Variants in DENND1B observed in about 807,000 individuals in gnomAD.
The protein encoded by DENND1B is DENN domain-containing protein 1B.
DENND1B carries 59 observed loss-of-function variants against 90.1 expected under a neutral mutation model. The observed-to-expected ratio is 0.65, with a 90% CI of 0.53 to 0.81. The LOEUF (loss-of-function observed/expected upper bound fraction) is 0.81, where lower values mean the gene tolerates loss of function less well. DENND1B is among the 40% of genes least tolerant of loss of function. The pLI is 0.00. For synonymous variants in DENND1B, 337 were observed against 324.6 expected (o/e 1.04, Z -0.41); for missense variants, 862 against 912.6 (o/e 0.94, Z 0.71).
chr1:197,641,168 A>G (rs531145469), intron 10 of DENND1B, among the ~76,000 whole-genome samples: 28 of 152,312 alleles, frequency 1.8e-4, no homozygotes, highest in African/African-American at 6.5e-4. Flanking sequence ...TGCCTAATAA[A>G]CATTTGTTAC....
intron 22 of DENND1B, 106 bp from the exon 23 acceptor site, chr1:197,511,078 AG>A: frequency 8.8e-7 from 1 of 1,131,694 alleles, no homozygotes; most frequent in Non-Finnish European, 1.2e-6. Flanking sequence ...TTCCTCCCAG[AG>A]AAAATACAGC....
chr1:197,666,895 C>T (rs867324420), intron 5 of DENND1B, among the ~76,000 whole-genome samples: 14 of 152,222 alleles, frequency 9.2e-5, no homozygotes, highest in Middle Eastern at 6.8e-3. Context: ...CAGTGGCTCA[C>T]GCCTGTAATC....
At chr1:197,740,064 T>A (rs1371210446) in intron 2 of DENND1B, among the ~76,000 whole-genome samples, 4 of 152,210 alleles carry the variant, frequency 2.6e-5, no homozygotes, top group Non-Finnish European at 4.4e-5. Flanking sequence ...GGCAGGCATA[T>A]AACCTAATTA....
At chr1:197,652,142 A>C in intron 7 of DENND1B, 93 bp downstream of exon 7, 1 of 957,614 alleles carries the variant, frequency 1.0e-6, no homozygotes, top group Non-Finnish European at 1.6e-6. Flanking sequence ...AGCAGAGATG[A>C]CTTGGTAAAG....
At chr1:197,687,503 T>C (rs927922506) in intron 3 of DENND1B, among the ~76,000 whole-genome samples, 1 of 152,180 alleles carries the variant, frequency 6.6e-6, no homozygotes, top group Non-Finnish European at 1.5e-5. Context: ...CCTTAATTAG[T>C]AGCATCACCA....
At chr1:197,565,566 GC>G in intron 15 of DENND1B, among the ~76,000 whole-genome samples, 1 of 150,868 alleles carries the variant, frequency 6.6e-6, no homozygotes, top group African/African-American at 2.4e-5. Context: ...GCATACAAGT[GC>G]CATGCTGGTG....
chr1:197,523,136 A>G (rs1159101481), intron 20 of DENND1B, among the ~76,000 whole-genome samples: 3 of 152,158 alleles, frequency 2.0e-5, no homozygotes, highest in Non-Finnish European at 2.9e-5. Context: ...GCACAGGGAC[A>G]GGCATGAAGT....
intron 15 of DENND1B, among the ~76,000 whole-genome samples, chr1:197,561,239 C>T (rs189328594): frequency 9.9e-4 from 150 of 151,986 alleles, no homozygotes; most frequent in African/African-American, 3.4e-3. Context: ...TTCTGTCTCA[C>T]CACGTCAGCA....
chr1:197,565,253 C>T (rs890992032), intron 15 of DENND1B, among the ~76,000 whole-genome samples: 5 of 151,930 alleles, frequency 3.3e-5, no homozygotes, highest in Admixed American at 2.0e-4. Flanking sequence ...CTGTAGCTAA[C>T]ATAAAAGGAA....
At chr1:197,650,802 C>T (rs2477071) in intron 7 of DENND1B, among the ~76,000 whole-genome samples, 29,567 of 151,974 alleles carry the variant, frequency 0.19, 2,970 homozygotes, top group Non-Finnish European at 0.2. Context: ...CACTGATATG[C>T]GGGAGCTAAG....
At chr1:197,728,495 C>G (rs1223267381) in intron 2 of DENND1B, among the ~76,000 whole-genome samples, 1 of 152,110 alleles carries the variant, frequency 6.6e-6, no homozygotes, top group Non-Finnish European at 1.5e-5. Flanking sequence ...TGAATCATAT[C>G]CCTCTCACTC....
intron 20 of DENND1B, among the ~76,000 whole-genome samples, chr1:197,535,738 G>A (rs1338731203): frequency 1.3e-5 from 2 of 152,132 alleles, no homozygotes; most frequent in Non-Finnish European, 2.9e-5. Flanking sequence ...CCCTTCCTGT[G>A]TCCTTGGTAA....
At chr1:197,716,639 A>G (rs1660673735) in intron 2 of DENND1B, among the ~76,000 whole-genome samples, 1 of 151,924 alleles carries the variant, frequency 6.6e-6, no homozygotes, top group African/African-American at 2.4e-5. Context: ...ATATTAAATG[A>G]AAGTTTTTAT....
intron 10 of DENND1B, among the ~76,000 whole-genome samples, chr1:197,630,640 C>A (rs1679243998): frequency 6.6e-6 from 1 of 152,110 alleles, no homozygotes; most frequent in Non-Finnish European, 1.5e-5. Flanking sequence ...CTAATCATCT[C>A]ACATTTAGTC....
chr1:197,754,057 T>C (rs1215402821), intron 2 of DENND1B, among the ~76,000 whole-genome samples: 1 of 151,586 alleles, frequency 6.6e-6, no homozygotes, highest in Non-Finnish European at 1.5e-5. Context: ...AAAATACATA[T>C]AGGACTTAAA....
chr1:197,649,800 T>C (rs1014822429), intron 7 of DENND1B, among the ~76,000 whole-genome samples: 23 of 152,274 alleles, frequency 1.5e-4, no homozygotes, highest in African/African-American at 4.6e-4. Context: ...CTTCTAGACA[T>C]TGGCTTAGGC....
At chr1:197,726,502 G>T (rs1285479425) in intron 2 of DENND1B, among the ~76,000 whole-genome samples, 1 of 152,180 alleles carries the variant, frequency 6.6e-6, no homozygotes, top group African/African-American at 2.4e-5. Flanking sequence ...AGATGAGGGT[G>T]AATATCACTG....
intron 10 of DENND1B, among the ~76,000 whole-genome samples, chr1:197,627,195 TGA>T (rs1678835046): frequency 6.6e-6 from 1 of 152,166 alleles, no homozygotes; most frequent in Admixed American, 6.5e-5. Context: ...AGCATCATCC[TGA>T]TACCAAAGCC....
chr1:197,586,633 G>A (rs1417977190), intron 14 of DENND1B, among the ~76,000 whole-genome samples: 1 of 152,214 alleles, frequency 6.6e-6, no homozygotes, highest in East Asian at 1.9e-4. Context: ...AGGAGAAGTT[G>A]ATAAAATCAA....
Sources: gnomAD v4.1 joint callset for allele counts (sites outside exome capture counted in the v4.1 genomes callset) on GRCh38, gnomAD v4.1.1 for gene constraint, MANE v1.5 for transcripts, NCBI Gene and HGNC (gene_info 2026-07-23, HGNC 2026-07-21) for gene names.